Variants in CHD5 observed in about 807,000 individuals in gnomAD.
CHD5 encodes ATP-dependent chromatin remodeler CHD5.
In CHD5, 69 loss-of-function variants were observed where a neutral mutation model predicts 230.3. The observed-to-expected ratio is 0.30, with a 90% CI of 0.25 to 0.37. CHD5 has a LOEUF of 0.37. Ranked by LOEUF, CHD5 falls within the 10% of genes least tolerant of loss-of-function variation. The pLI, the probability that CHD5 is intolerant of heterozygous loss-of-function variation, is 1.00. For missense variants in CHD5, 1,827 were observed against 2,622.8 expected (o/e 0.70, Z 6.63); for synonymous variants, 1,064 against 1,065.9 (o/e 1.00, Z 0.03).
chr1:6,133,263 T>C (rs11800425), intron 20 of CHD5, among the ~76,000 whole-genome samples: 9,194 of 152,262 alleles, frequency 0.06, 880 homozygotes, highest in African/African-American at 0.21. Flanking sequence ...GCGTCTCGTG[T>C]TGGTACCGAG....
intron 1 of CHD5, among the ~76,000 whole-genome samples, chr1:6,177,453 G>A (rs1019931188): frequency 6.6e-6 from 1 of 152,222 alleles, no homozygotes; most frequent in African/African-American, 2.4e-5. Flanking sequence ...AGGTTATCGA[G>A]AGTTACATTC....
intron 1 of CHD5, among the ~76,000 whole-genome samples, chr1:6,173,612 C>T (rs1450866491): frequency 6.6e-6 from 1 of 152,184 alleles, no homozygotes; most frequent in Non-Finnish European, 1.5e-5. Context: ...TCCCCCAGGG[C>T]TATGGGGAGA....
In CHD5 at chr1:6,104,910, G is replaced by C. The variant is rs1666136652; in HGVS notation, c.*564C>G. The C allele has an allele frequency of 6.2e-6, 1 of 160,504 alleles. No individual in the cohort carries two copies. The highest frequency in any genetic ancestry group is 6.1e-5 in the Admixed American group (1 of 16,476). The allele number at this position is 160,504 out of a possible 1,614,324, so 9.9% of individuals were successfully genotyped here. On this transcript the variant is annotated 3_prime_UTR_variant, in exon 42 of 42. Coordinates refer to ENST00000262450, the MANE Select transcript of CHD5 (RefSeq NM_015557.3). ...GCTGGGAGGCTCCAAGCGGGCAGGG[G>C]GCCAAATCAGAAGGGGCTGTCACAC...
At position 6,126,851 on chromosome 1, in the gene CHD5, G is replaced by A. The variant is rs1666566873; in HGVS notation, c.3904-105C>T. 2.2e-5 allele frequency: 22 copies of A among 996,870 alleles called. No homozygotes were observed. Among genetic ancestry groups the A allele is most frequent in the Non-Finnish European group, 3.3e-5 (22 of 671,946 alleles). 61.8% of individuals were successfully genotyped at this position (996,870 alleles called of 1,614,324 possible). ...TGCCCTTTGCCCCCTCAGGGCTCAA[G>A]GATTAATGGGATGGCCTGCCTACTC... On this transcript the variant is annotated intron_variant, in intron 25 of 41. Transcript: ENST00000262450. The surrounding 1 kb of genome is among the most constrained non-coding windows in gnomAD (Gnocchi z 5.7).
At chr1:6,115,238 G>A (rs1384475172) in intron 33 of CHD5, among the ~76,000 whole-genome samples, 2 of 147,490 alleles carry the variant, frequency 1.4e-5, no homozygotes, top group African/African-American at 5.0e-5. Flanking sequence ...AGGTGGGAGA[G>A]AGACTCTGTC....
chr1:6,124,780 A>C, intron 29 of CHD5, 119 bp from the exon 30 acceptor site: 1 of 736,164 alleles, frequency 1.4e-6, no homozygotes, highest in Non-Finnish European at 2.2e-6. Flanking sequence ...CCCACCTCCT[A>C]GTCAGGCCTG....
intron 34 of CHD5, 112 bp downstream of exon 34, chr1:6,112,797 G>T: frequency 1.3e-6 from 1 of 760,178 alleles, no homozygotes; most frequent in South Asian, 1.8e-5. Flanking sequence ...CTCCAATCAG[G>T]CCTGGGGCCA....
chr1:6,129,106 C>A lies in CHD5; in HGVS notation c.3388-37G>T, dbSNP rs757725816. 1 of 1,453,174 alleles carries A rather than the reference C, an allele frequency of 6.9e-7. No individual in the cohort carries two copies. The highest frequency in any genetic ancestry group is 1.2e-5 in the South Asian group (1 of 85,524). The allele number at this position is 1,453,174 out of a possible 1,614,324, so 90.0% of individuals were successfully genotyped here. A position where few individuals can be genotyped will look rare whatever the true frequency, so the allele number is the denominator to read the frequency against. ...TGCACCTCAGCACCCGTGGCTCACC[C>A]AGGGCTCCAGGCAATGGAGGAGATC... On this transcript the variant is annotated intron_variant, in intron 22 of 41. Coordinates refer to ENST00000262450, the MANE Select transcript of CHD5 (RefSeq NM_015557.3). The surrounding 1 kb of genome is among the most constrained non-coding windows in gnomAD (Gnocchi z 6.8).
At chr1:6,143,717 GC>G (rs1279778969) in intron 13 of CHD5, 105 bp downstream of exon 13, 19 of 1,007,830 alleles carry the variant, frequency 1.9e-5, no homozygotes, top group Non-Finnish European at 2.7e-5. Flanking sequence ...AGCCATGAGG[GC>G]CCAAGGAAAC....
chr1:6,106,692 G>A lies in CHD5; in HGVS notation c.5666C>T (p.Ala1889Val). Reference protein sequence around the residue: ...PSMLSRIPPVAARLQMSERSI... With the variant: ...PSMLSRIPPVVARLQMSERSI... ...GCGCTCCGACATCTGCAGCCGGGCGGCCACCGGGGGGATGCGGGACAGCAT... is the reference window on the plus strand; with the variant it reads ...GCGCTCCGACATCTGCAGCCGGGCGACCACCGGGGGGATGCGGGACAGCAT... The change falls in exon 39 of 42, where the codon GCC (alanine) becomes GTC (valine). Residue 1889 changes from alanine to valine, a missense_variant. This residue lies in a region of CHD5 where 208 missense variants were observed against 302.0 expected (regional missense o/e 0.69). Coordinates refer to ENST00000262450, the MANE Select transcript of CHD5 (RefSeq NM_015557.3). 6.2e-7 allele frequency: 1 copy of A among 1,611,580 alleles called. No homozygotes were observed. The highest frequency in any genetic ancestry group is 8.5e-7 in the Non-Finnish European group (1 of 1,179,606).
chr1:6,148,415 T>C (rs954549726), intron 9 of CHD5, among the ~76,000 whole-genome samples: 3 of 152,216 alleles, frequency 2.0e-5, no homozygotes, highest in Non-Finnish European at 4.4e-5. Flanking sequence ...TTTGAGTGGA[T>C]AGTTCTGCCC....
In CHD5 at chr1:6,110,385, A is replaced by G. The variant is rs746840842; in HGVS notation, c.5382+9T>C. The G allele has an allele frequency of 1.5e-5, 25 of 1,613,754 alleles. No homozygotes were observed. The Admixed American group carries it at 4.0e-4, about 26-fold the overall frequency. On this transcript the variant is annotated intron_variant, in intron 37 of 41. Coordinates refer to ENST00000262450, the MANE Select transcript of CHD5 (RefSeq NM_015557.3). Reference sequence around the variant, plus strand: ...GCCCCGTGCAGCCCTGGCCCTTCAGAAGACAGACCTTAAACCTGCGGGCCA... The same window carrying G: ...GCCCCGTGCAGCCCTGGCCCTTCAGGAGACAGACCTTAAACCTGCGGGCCA...
chr1:6,144,954 AT>A (rs1666888256), intron 11 of CHD5, among the ~76,000 whole-genome samples: 1 of 152,226 alleles, frequency 6.6e-6, no homozygotes, highest in African/African-American at 2.4e-5. Flanking sequence ...TCTGGGGGAG[AT>A]TCACCTGCCC....
At chr1:6,157,936 C>T (rs775903736) in intron 3 of CHD5, among the ~76,000 whole-genome samples, 11 of 152,230 alleles carry the variant, frequency 7.2e-5, no homozygotes, top group Non-Finnish European at 7.3e-5. Flanking sequence ...CAGGAAGAAT[C>T]GCTCCTCCTC....
At position 6,146,553 on chromosome 1, in the gene CHD5, T is replaced by C; in HGVS notation, c.1590+112A>G. The C allele has an allele frequency of 7.2e-7, 1 of 1,393,386 alleles. No homozygotes were observed. The highest frequency in any genetic ancestry group is 1.8e-5 in the Admixed American group (1 of 56,186). 86.3% of individuals were successfully genotyped at this position (1,393,386 alleles called of 1,614,324 possible). A position where few individuals can be genotyped will look rare whatever the true frequency, so the allele number is the denominator to read the frequency against. On this transcript the variant is annotated intron_variant, in intron 10 of 41. Transcript: ENST00000262450. The surrounding 1 kb of genome is among the most constrained non-coding windows in gnomAD (Gnocchi z 5.1). The stretch of plus-strand genomic sequence containing the variant: ...TCCTCCCGCTCAGCACCACCCCAAC[T>C]CCCAACAGCACCCCTCAGTCAGAGG...
intron 33 of CHD5, 146 bp from the exon 34 acceptor site, chr1:6,113,144 G>C: frequency 3.0e-6 from 2 of 656,016 alleles, no homozygotes; most frequent in Non-Finnish European, 5.4e-6. Flanking sequence ...GCTCTCCTCG[G>C]CCAGGTGCAG....
At chr1:6,174,666 C>T (rs529097167) in intron 1 of CHD5, among the ~76,000 whole-genome samples, 2 of 117,360 alleles carry the variant, frequency 1.7e-5, no homozygotes, top group Admixed American at 8.5e-5. Flanking sequence ...GATGGATAGA[C>T]GGTGGGTGGA....
Position 6,142,001 on chromosome 1 carries a change from C to T in CHD5, c.2436+127G>A, listed in dbSNP as rs941568733. On this transcript the variant is annotated intron_variant, in intron 15 of 41. Coordinates refer to ENST00000262450, the MANE Select transcript of CHD5 (RefSeq NM_015557.3). The surrounding 1 kb of genome is among the most constrained non-coding windows in gnomAD (Gnocchi z 5.2). ...TGTAACTCAGCCTCTAGGACAAGCC[C>T]CTCAGAGCCTGCCGGCCTCGGTAGC... 2.0e-5 allele frequency: 16 copies of T among 794,286 alleles called. No individual in the cohort carries two copies. In the Admixed American group the frequency reaches 3.1e-4, roughly 15 times the overall value. The allele number at this position is 794,286 out of a possible 1,614,324, so 49.2% of individuals were successfully genotyped here.
intron 3 of CHD5, among the ~76,000 whole-genome samples, chr1:6,156,725 G>T (rs1449586530): frequency 6.6e-6 from 1 of 151,972 alleles, no homozygotes; most frequent in African/African-American, 2.4e-5. Flanking sequence ...GCTGAGGCCT[G>T]GGGTGGAGGG....
Sources: allele counts gnomAD v4.1 joint callset (sites outside exome capture counted in the v4.1 genomes callset), GRCh38; gene constraint gnomAD v4.1.1; regional missense constraint gnomAD v4.1.1; non-coding constraint Gnocchi (gnomAD v3.1); transcripts MANE v1.5; gene names NCBI Gene and HGNC (gene_info 2026-07-23, HGNC 2026-07-21).